Variants in CLASP1 observed in about 807,000 individuals in gnomAD.
The protein encoded by CLASP1 is CLIP-associating protein 1.
A neutral mutation model predicts 192.3 loss-of-function variants in CLASP1; 38 were observed. That is an observed-to-expected ratio of 0.20 (90% CI 0.15 to 0.26). The LOEUF (loss-of-function observed/expected upper bound fraction) is 0.26, where lower values mean the gene tolerates loss of function less well. Ranked by LOEUF, CLASP1 falls within the 10% of genes least tolerant of loss-of-function variation. The probability of loss-of-function intolerance (pLI) is 1.00; values close to 1 mark genes in which losing one functional copy is unlikely to be tolerated. For missense variants in CLASP1, 1,433 were observed against 1,932.5 expected, an observed-to-expected ratio of 0.74 and a Z score of 4.85; for synonymous variants, 691 against 712.8, an observed-to-expected ratio of 0.97 and a Z score of 0.49.
intron 1 of CLASP1, among the ~76,000 whole-genome samples, chr2:121,648,614 T>C (rs2073621222): frequency 6.6e-6 from 1 of 152,130 alleles, no homozygotes; most frequent in African/African-American, 2.4e-5. Flanking sequence ...GAAAGCAAAA[T>C]TCGATTAGCT....
intron 14 of CLASP1, among the ~76,000 whole-genome samples, chr2:121,455,288 A>G (rs1220773231): frequency 6.6e-6 from 1 of 152,216 alleles, no homozygotes; most frequent in Non-Finnish European, 1.5e-5. Flanking sequence ...TGGATATAAA[A>G]CCAACTACTA....
chr2:121,497,094 G>GA (rs946831244), intron 8 of CLASP1, among the ~76,000 whole-genome samples: 1 of 151,708 alleles, frequency 6.6e-6, no homozygotes, highest in African/African-American at 2.4e-5. Context: ...AGAGTAAAGT[G>GA]AAAAAAATGT....
chr2:121,633,906 C>A (rs374948180), intron 1 of CLASP1, among the ~76,000 whole-genome samples: 1 of 151,658 alleles, frequency 6.6e-6, no homozygotes. Flanking sequence ...ACTCGGTAGG[C>A]TGAGGCAGGA....
intron 8 of CLASP1, among the ~76,000 whole-genome samples, chr2:121,499,004 T>C (rs1272134951): frequency 2.6e-5 from 4 of 152,144 alleles, no homozygotes; most frequent in Admixed American, 1.3e-4. Context: ...ACTGGAAAAC[T>C]GTGTGTTTAC....
At position 121,517,758 on chromosome 2, in the gene CLASP1, G is replaced by GTAAT. The variant is rs550401182; in HGVS notation, c.547-1997_547-1996insATTA. Among the ~76,000 whole-genome samples the GTAAT allele has an allele frequency of 7.9e-5, 12 of 151,652 alleles. No homozygotes were observed. In the South Asian group the frequency reaches 2.5e-3, roughly 32 times the overall value. On this transcript the variant is annotated intron_variant, in intron 6 of 39. Coordinates refer to ENST00000263710, the Ensembl canonical transcript of CLASP1. ...GCTACAGTCCTACCTACTTGGGGGG[G>GTAAT]CCTGAGGTAAGAGGATTACTCAAGC...
intron 2 of CLASP1, among the ~76,000 whole-genome samples, chr2:121,576,465 G>T (rs979560688): frequency 2.0e-5 from 3 of 152,210 alleles, no homozygotes; most frequent in Admixed American, 6.5e-5. Context: ...GTGCTTCCTT[G>T]TGTTCGAAGC....
At chr2:121,592,257 T>C (rs1168849709) in intron 2 of CLASP1, among the ~76,000 whole-genome samples, 1 of 152,254 alleles carries the variant, frequency 6.6e-6, no homozygotes, top group Non-Finnish European at 1.5e-5. Flanking sequence ...GATATTTTGC[T>C]ATTACATGTC....
intron 2 of CLASP1, among the ~76,000 whole-genome samples, chr2:121,536,197 C>T (rs1384848873): frequency 6.6e-6 from 1 of 150,414 alleles, no homozygotes; most frequent in Non-Finnish European, 1.5e-5. Context: ...CTGGCTAACA[C>T]AGTGAAACCC....
chr2:121,476,351 C>A (rs936389252), intron 8 of CLASP1, among the ~76,000 whole-genome samples: 2 of 152,188 alleles, frequency 1.3e-5, no homozygotes, highest in Middle Eastern at 3.4e-3. Flanking sequence ...AGGGGAGATA[C>A]CAAGCAACAA....
At chr2:121,541,223 A>G (rs910625741) in intron 2 of CLASP1, among the ~76,000 whole-genome samples, 2 of 152,198 alleles carry the variant, frequency 1.3e-5, no homozygotes, top group Admixed American at 6.5e-5. Context: ...AAAAACATCC[A>G]TAAGGGACAA....
At chr2:121,376,513 G>C (rs2070184188) in intron 34 of CLASP1, among the ~76,000 whole-genome samples, 1 of 100,426 alleles carries the variant, frequency 1.0e-5, no homozygotes, top group South Asian at 4.3e-4. Context: ...GGTTACTAGA[G>C]GCTGGGAAGG....
At chr2:121,479,261 A>G (rs796474892) in intron 8 of CLASP1, among the ~76,000 whole-genome samples, 19 of 152,322 alleles carry the variant, frequency 1.2e-4, no homozygotes, top group African/African-American at 4.1e-4. Context: ...CCATTTACAA[A>G]TGACTTGATT....
In CLASP1 at chr2:121,527,910, G is replaced by A. The variant is rs753152600; in HGVS notation, c.379-20C>T. ...TACGTACTGCAGATGACAAAGAACA[G>A]GTGAGGAAAGGAGAAGACTGCTGCA... On this transcript the variant is annotated intron_variant, in intron 4 of 39. Coordinates refer to ENST00000263710, the Ensembl canonical transcript of CLASP1. The A allele has an allele frequency of 3.1e-6, 5 of 1,593,406 alleles. No homozygotes were observed. The East Asian group carries it at 1.1e-4, about 36-fold the overall frequency.
chr2:121,528,019 C>CCT (rs1346559702), intron 4 of CLASP1, 129 bp from the exon 5 acceptor site: 11 of 637,548 alleles, frequency 1.7e-5, no homozygotes, highest in Non-Finnish European at 3.1e-5. Flanking sequence ...CACATTTAAT[C>CCT]CTCTCGAGAG....
chr2:121,496,224 A>G (rs2093526000), intron 8 of CLASP1, among the ~76,000 whole-genome samples: 1 of 152,246 alleles, frequency 6.6e-6, no homozygotes, highest in Non-Finnish European at 1.5e-5. Context: ...ATAGGCTGCT[A>G]AATTTTCACA....
intron 19 of CLASP1, among the ~76,000 whole-genome samples, chr2:121,430,662 C>G (rs2081239389): frequency 6.6e-6 from 1 of 151,960 alleles, no homozygotes; most frequent in South Asian, 2.1e-4. Context: ...CTTCTTAACT[C>G]AGCCATCACA....
chr2:121,599,581 CCA>C (rs1298827057), intron 2 of CLASP1, among the ~76,000 whole-genome samples: 18 of 116,802 alleles, frequency 1.5e-4, no homozygotes, highest in East Asian at 5.0e-4. Context: ...GAGTGAGACT[CCA>C]TCTCAAAAAA....
At chr2:121,593,626 C>CCAAAA (rs2062699966) in intron 2 of CLASP1, among the ~76,000 whole-genome samples, 1 of 50,734 alleles carries the variant, frequency 2.0e-5, no homozygotes, top group African/African-American at 7.1e-5. Context: ...AACTCCGTCT[C>CCAAAA]AAAAAAAAAA....
At chr2:121,520,696 T>C (rs1283328005) in intron 6 of CLASP1, among the ~76,000 whole-genome samples, 1 of 152,232 alleles carries the variant, frequency 6.6e-6, no homozygotes, top group Non-Finnish European at 1.5e-5. Context: ...GCTGTGAAGA[T>C]GAAATCAAAA....
Sources: gnomAD v4.1 joint callset for allele counts (sites outside exome capture counted in the v4.1 genomes callset) on GRCh38, gnomAD v4.1.1 for gene constraint, MANE v1.5 for transcripts, NCBI Gene and HGNC (gene_info 2026-07-23, HGNC 2026-07-21) for gene names.